Variants in STX8 observed in about 807,000 individuals in gnomAD.
STX8 encodes syntaxin 8, also known as syntaxin-8.
Under a neutral mutation model 37.5 loss-of-function variants are expected in STX8, and 23 were observed. The ratio of observed to expected loss-of-function variants is 0.61; its 90% CI spans 0.44 to 0.87. The LOEUF (loss-of-function observed/expected upper bound fraction) is 0.87, where lower values mean the gene tolerates loss of function less well. Ranked by LOEUF, STX8 falls within the 40% of genes least tolerant of loss-of-function variation. The probability of loss-of-function intolerance (pLI) is 0.00; values close to 1 mark genes in which losing one functional copy is unlikely to be tolerated. For missense variants in STX8, 313 were observed against 284.7 expected (o/e 1.10, Z -0.71); for synonymous variants, 115 against 99.1 (o/e 1.16, Z -0.95).
intron 7 of STX8, among the ~76,000 whole-genome samples, chr17:9,293,793 T>G (rs1249127894): frequency 1.3e-5 from 2 of 151,628 alleles, no homozygotes; most frequent in East Asian, 1.9e-4. Flanking sequence ...ATGGAGTCTC[T>G]GTCTGTCGCC....
At chr17:9,283,300 T>C (rs1907955758) in intron 7 of STX8, 2 of 152,276 alleles carry the variant, frequency 1.3e-5, no homozygotes. Flanking sequence ...TCCAGCACTT[T>C]AGGAGGCTGA....
chr17:9,299,021 C>A (rs1264326581), intron 7 of STX8, among the ~76,000 whole-genome samples: 1 of 152,112 alleles, frequency 6.6e-6, no homozygotes, highest in Non-Finnish European at 1.5e-5. Context: ...TTTCTCTTGT[C>A]GGTGTTTTGC....
chr17:9,513,821 G>A (rs1193711747), intron 4 of STX8, among the ~76,000 whole-genome samples: 3 of 152,124 alleles, frequency 2.0e-5, no homozygotes, highest in Admixed American at 6.6e-5. Context: ...CATACACAAC[G>A]GAATACAATT....
In STX8 at chr17:9,568,361, A is replaced by T; in HGVS notation, c.117+10T>A. Reference sequence around the variant, plus strand: ...CAAATCATTGGGTACTAATTCCTTCATGGTATTACCTTTGGTGCCTTTTCA... The same window carrying T: ...CAAATCATTGGGTACTAATTCCTTCTTGGTATTACCTTTGGTGCCTTTTCA... On this transcript the variant is annotated intron_variant, in intron 2 of 7. Transcript: ENST00000306357. The T allele has an allele frequency of 6.2e-7, 1 of 1,602,170 alleles. No homozygotes were observed.
intron 7 of STX8, among the ~76,000 whole-genome samples, chr17:9,332,990 T>C (rs1878659130): frequency 6.6e-6 from 1 of 152,236 alleles, no homozygotes; most frequent in Admixed American, 6.5e-5. Flanking sequence ...ACACAATACT[T>C]CTTAAAGCAG....
At chr17:9,349,496 A>AT (rs1273757394) in intron 7 of STX8, among the ~76,000 whole-genome samples, 1 of 150,746 alleles carries the variant, frequency 6.6e-6, no homozygotes, top group African/African-American at 2.4e-5. Context: ...AATTTTTTGT[A>AT]TTTTTAGTAG....
chr17:9,419,482 G>A (rs1420040975), intron 6 of STX8, among the ~76,000 whole-genome samples: 4 of 152,152 alleles, frequency 2.6e-5, no homozygotes, highest in Non-Finnish European at 4.4e-5. Context: ...ACAGATCCCA[G>A]AAAATACATG....
intron 5 of STX8, among the ~76,000 whole-genome samples, chr17:9,499,016 G>T (rs1904516088): frequency 6.6e-6 from 1 of 152,120 alleles, no homozygotes; most frequent in Admixed American, 6.6e-5. Flanking sequence ...ACAGCTGAAG[G>T]GGCACAGAAG....
chr17:9,526,515 T>C (rs568835004), intron 4 of STX8, among the ~76,000 whole-genome samples: 2 of 152,306 alleles, frequency 1.3e-5, no homozygotes, highest in South Asian at 2.1e-4. Context: ...ATAACTTTTA[T>C]TTTCAACAAA....
chr17:9,259,809 A>T (rs1386081121), intron 7 of STX8, among the ~76,000 whole-genome samples: 1 of 152,232 alleles, frequency 6.6e-6, no homozygotes, highest in African/African-American at 2.4e-5. Flanking sequence ...ACCCGACTTT[A>T]TAACACATTC....
chr17:9,301,022 C>T lies in STX8; in HGVS notation c.644-50377G>A, dbSNP rs1226667223. Among the ~76,000 whole-genome samples the T allele has an allele frequency of 2.0e-5, 3 of 151,734 alleles. 1 individual carries two copies. Among genetic ancestry groups the T allele is most frequent in the Admixed American group, 2.0e-4 (3 of 15,202 alleles). The stretch of plus-strand genomic sequence containing the variant: ...TAATTTTTTGTATTTTTAGTACAGA[C>T]TCGGTTTCACTGTGTTAGCCACAAT... On this transcript the variant is annotated intron_variant, in intron 7 of 7. Transcript: ENST00000306357.
intron 5 of STX8, among the ~76,000 whole-genome samples, chr17:9,503,700 G>C (rs935202350): frequency 2.0e-5 from 3 of 152,186 alleles, no homozygotes; most frequent in Admixed American, 6.5e-5. Context: ...AGCAGAATTA[G>C]AAAGAATAAT....
rs146458842 is a variant in STX8 at position 9,557,857 on chromosome 17, T to C, written c.118-329A>G. Among the ~76,000 whole-genome samples, 196 of 152,290 alleles carry C rather than the reference T, an allele frequency of 1.3e-3. 2 individuals carry two copies. The highest frequency in any genetic ancestry group is 4.2e-3 in the African/African-American group (173 of 41,550). On this transcript the variant is annotated intron_variant, in intron 2 of 7. Transcript: ENST00000306357. Reference sequence around the variant, plus strand: ...CTGAGCTTCTACCCCATTGATCCTATGTATCTACCTTGGAACCACGCAGGA... The same window carrying C: ...CTGAGCTTCTACCCCATTGATCCTACGTATCTACCTTGGAACCACGCAGGA...
chr17:9,392,213 A>C (rs1488060651), intron 6 of STX8, among the ~76,000 whole-genome samples: 1 of 152,202 alleles, frequency 6.6e-6, no homozygotes, highest in African/African-American at 2.4e-5. Context: ...TACAACGCAA[A>C]ATTTTGCAGC....
chr17:9,289,142 G>A (rs935359045), intron 7 of STX8, among the ~76,000 whole-genome samples: 8 of 152,194 alleles, frequency 5.3e-5, no homozygotes, highest in Admixed American at 3.3e-4. Context: ...AAAATTTGGA[G>A]TGCAAATTGT....
At chr17:9,418,566 C>T (rs1455203355) in intron 6 of STX8, among the ~76,000 whole-genome samples, 2 of 149,582 alleles carry the variant, frequency 1.3e-5, no homozygotes, top group Non-Finnish European at 3.0e-5. Flanking sequence ...CAGTGGCTCA[C>T]GCCTGTAATC....
chr17:9,359,503 ATTT>A (rs145808683), intron 7 of STX8, among the ~76,000 whole-genome samples: 4 of 91,738 alleles, frequency 4.4e-5, no homozygotes, highest in Non-Finnish European at 4.4e-5. Context: ...GCTGAGACAT[ATTT>A]TTTTTTTTTT....
chr17:9,513,845 GA>G (rs1294113601), intron 4 of STX8, among the ~76,000 whole-genome samples: 1 of 152,160 alleles, frequency 6.6e-6, no homozygotes, highest in Non-Finnish European at 1.5e-5. Flanking sequence ...CCATAAAAAA[GA>G]ATAAAATCCT....
At chr17:9,314,995 G>A (rs1355092755) in intron 7 of STX8, among the ~76,000 whole-genome samples, 1 of 151,138 alleles carries the variant, frequency 6.6e-6, no homozygotes, top group African/African-American at 2.4e-5. Context: ...CCAGCTACTT[G>A]GGAGGCTGAG....
Sources: gnomAD v4.1 joint callset for allele counts (sites outside exome capture counted in the v4.1 genomes callset) on GRCh38, gnomAD v4.1.1 for gene constraint, MANE v1.5 for transcripts, NCBI Gene and HGNC (gene_info 2026-07-23, HGNC 2026-07-21) for gene names.